Variants in ZMYND8 observed in about 807,000 individuals in gnomAD.
The protein encoded by ZMYND8 is MYND-type zinc finger-containing chromatin reader ZMYND8.
In ZMYND8, 37 loss-of-function variants were observed where a neutral mutation model predicts 140.8. The ratio of observed to expected loss-of-function variants is 0.26; its 90% confidence interval spans 0.20 to 0.35. The LOEUF is 0.35. Among genes scored for constraint, ZMYND8 ranks in the 10% least tolerant of loss-of-function variants. ZMYND8 has a pLI of 1.00. For missense variants in ZMYND8, 1,068 were observed against 1,570.0 expected, an observed-to-expected ratio of 0.68 and a Z score of 5.40; for synonymous variants, 592 against 597.1, an observed-to-expected ratio of 0.99 and a Z score of 0.12.
chr20:47,285,747 G>C (rs1288367428), intron 8 of ZMYND8: 1 of 984,776 alleles, frequency 1.0e-6, no homozygotes, highest in Non-Finnish European at 1.2e-6. Context: ...GACAAGAGGA[G>C]TAATTAAATG....
At chr20:47,334,243 G>C (rs1388195532) in intron 2 of ZMYND8, among the ~76,000 whole-genome samples, 2 of 152,170 alleles carry the variant, frequency 1.3e-5, no homozygotes, top group African/African-American at 4.8e-5. Flanking sequence ...ATGCTAGCCA[G>C]AGAAAAGATC....
rs149694215 is a variant in ZMYND8, at chr20:47,264,150, G to A, written c.1481-1722C>T. Among the ~76,000 whole-genome samples, 940 of 152,350 alleles carry A rather than the reference G, an allele frequency of 6.2e-3. 5 individuals carry two copies. Among genetic ancestry groups the A allele is most frequent in the Non-Finnish European group, 0.01 (693 of 68,036 alleles). On this transcript the variant is annotated intron_variant, in intron 11 of 22. Coordinates refer to ENST00000471951, the MANE Select transcript of ZMYND8 (RefSeq NM_001281775.3). Reference sequence around the variant, plus strand: ...CGCCGCATAGGGATGGAGTAGGCATGCAGCTGGGAATCCTTTTCCTCATCC... The same window carrying A: ...CGCCGCATAGGGATGGAGTAGGCATACAGCTGGGAATCCTTTTCCTCATCC...
In ZMYND8 at chr20:47,290,293, G is replaced by C. The variant is rs778514576; in HGVS notation, c.661-19C>G. On this transcript the variant is annotated intron_variant, in intron 6 of 22. Transcript: ENST00000471951. ...TCGCATTCTGGGAAGAAAAGCGATG[G>C]AGCATAATCACAGTGAGTCTAGACA... 2 of 1,610,520 alleles carry C rather than the reference G, an allele frequency of 1.2e-6. No homozygotes were observed. The highest frequency in any genetic ancestry group is 1.1e-5 in the South Asian group (1 of 90,662).
intron 1 of ZMYND8, chr20:47,355,438 T>G: frequency 1.0e-6 from 1 of 985,322 alleles, no homozygotes; most frequent in South Asian, 4.7e-5. Context: ...GGAAATGGAT[T>G]GCTTTACTTA....
At chr20:47,254,828 C>T (rs539141662) in intron 12 of ZMYND8, among the ~76,000 whole-genome samples, 2 of 152,188 alleles carry the variant, frequency 1.3e-5, no homozygotes, top group Admixed American at 6.5e-5. Flanking sequence ...CCAGTTGTGA[C>T]AATAAAAATA....
At chr20:47,299,477 A>G (rs1251632167) in intron 3 of ZMYND8, among the ~76,000 whole-genome samples, 1 of 152,360 alleles carries the variant, frequency 6.6e-6, no homozygotes, top group East Asian at 1.9e-4. Context: ...AAGCCAATAA[A>G]AGCATAGTAG....
chr20:47,281,796 CA>C (rs561481320), intron 10 of ZMYND8, among the ~76,000 whole-genome samples: 2 of 152,008 alleles, frequency 1.3e-5, no homozygotes, highest in Non-Finnish European at 2.9e-5. Context: ...AACCCCCTCC[CA>C]AAAAATCAAA....
chr20:47,245,062 C>A (rs529867024), intron 14 of ZMYND8, among the ~76,000 whole-genome samples: 2 of 152,082 alleles, frequency 1.3e-5, no homozygotes, highest in Admixed American at 6.5e-5. Context: ...TGTCCGCCCC[C>A]CCTCCCCAAA....
At chr20:47,327,247 C>T (rs377259551) in intron 2 of ZMYND8, among the ~76,000 whole-genome samples, 4 of 151,940 alleles carry the variant, frequency 2.6e-5, no homozygotes, top group South Asian at 2.1e-4. Context: ...AACTCCCGAC[C>T]GCCCACCTCA....
intron 10 of ZMYND8, among the ~76,000 whole-genome samples, chr20:47,280,993 C>T (rs752254536): frequency 2.0e-5 from 3 of 152,196 alleles, no homozygotes; most frequent in Non-Finnish European, 2.9e-5. Context: ...TATTAGTTCA[C>T]TTGTGTATCA....
chr20:47,340,335 T>C (rs2081748066), intron 2 of ZMYND8, among the ~76,000 whole-genome samples: 1 of 152,080 alleles, frequency 6.6e-6, no homozygotes, highest in Non-Finnish European at 1.5e-5. Flanking sequence ...AAGAGGGAAC[T>C]TGAAACCATG....
At chr20:47,231,411 A>C (rs895203137) in intron 16 of ZMYND8, among the ~76,000 whole-genome samples, 2 of 152,232 alleles carry the variant, frequency 1.3e-5, no homozygotes, top group Non-Finnish European at 2.9e-5. Flanking sequence ...CCACAAAAAA[A>C]CAAGAACTGC....
At chr20:47,309,754 G>A (rs185630196) in intron 3 of ZMYND8, among the ~76,000 whole-genome samples, 39 of 150,392 alleles carry the variant, frequency 2.6e-4, no homozygotes, top group Admixed American at 2.0e-3. Context: ...GGGGAAAACA[G>A]TCCTAAAAGC....
intron 17 of ZMYND8, 100 bp from the exon 18 acceptor site, chr20:47,227,381 C>T: frequency 9.1e-7 from 1 of 1,099,438 alleles, no homozygotes; most frequent in Non-Finnish European, 1.4e-6. Context: ...GTATGGGAAT[C>T]ATGCTAACCT....
At chr20:47,276,277 A>G (rs1355008945) in intron 11 of ZMYND8, 37 bp downstream of exon 11, 2 of 1,497,304 alleles carry the variant, frequency 1.3e-6, no homozygotes, top group African/African-American at 2.8e-5. Context: ...CCCCGTGTCC[A>G]AGGGGCCTCC....
At chr20:47,235,507 C>T (rs1234529266) in intron 16 of ZMYND8, among the ~76,000 whole-genome samples, 1 of 152,054 alleles carries the variant, frequency 6.6e-6, no homozygotes, top group Non-Finnish European at 1.5e-5. Context: ...GAGTTTGAGA[C>T]CAGCCTGGTC....
chr20:47,350,769 G>A (rs1445455770), intron 1 of ZMYND8, among the ~76,000 whole-genome samples: 1 of 152,260 alleles, frequency 6.6e-6, no homozygotes, highest in South Asian at 2.1e-4. Flanking sequence ...CAACCCTGAT[G>A]ATTTAAATCA....
At position 47,298,714 on chromosome 20, in the gene ZMYND8, T is replaced by G. The variant is rs2077810088; in HGVS notation, c.453+15A>C. 4.4e-6 allele frequency: 7 copies of G among 1,608,058 alleles called. No homozygotes were observed. The highest frequency in any genetic ancestry group is 5.9e-6 in the Non-Finnish European group (7 of 1,176,808). On this transcript the variant is annotated intron_variant, in intron 4 of 22. Coordinates refer to ENST00000471951, the MANE Select transcript of ZMYND8 (RefSeq NM_001281775.3). The surrounding 1 kb of genome is among the most constrained non-coding windows in gnomAD (Gnocchi z 5.0). The stretch of plus-strand genomic sequence containing the variant: ...GAAACGAGGCAGGTAATGCATTCAT[T>G]CATCAGGAACTAACCTCACATTCAG...
chr20:47,278,928 C>T (rs1233570842), intron 10 of ZMYND8, among the ~76,000 whole-genome samples: 1 of 152,086 alleles, frequency 6.6e-6, no homozygotes, highest in Non-Finnish European at 1.5e-5. Context: ...ACTCCCCCTT[C>T]CTGAGCTAGC....
Sources: allele counts gnomAD v4.1 joint callset (sites outside exome capture counted in the v4.1 genomes callset), GRCh38; gene constraint gnomAD v4.1.1; non-coding constraint Gnocchi (gnomAD v3.1); transcripts MANE v1.5; gene names NCBI Gene and HGNC (gene_info 2026-07-23, HGNC 2026-07-21).